VANGL1: variants seen among roughly 807,000 people sequenced by gnomAD.
The protein encoded by VANGL1 is vang-like protein 1.
In VANGL1, 18 loss-of-function variants were observed where a neutral mutation model predicts 48.4. That is an observed-to-expected ratio of 0.37 (90% CI 0.26 to 0.55). VANGL1 has a LOEUF of 0.55. Among genes scored for constraint, VANGL1 ranks in the 20% least tolerant of loss-of-function variants. VANGL1 has a pLI of 0.81. For synonymous variants in VANGL1, 257 were observed against 261.8 expected (o/e 0.98, Z 0.18); for missense variants, 667 against 675.8 (o/e 0.99, Z 0.14).
Position 115,688,518 on chromosome 1 carries a change from T to G in VANGL1, c.1315-2601T>G, listed in dbSNP as rs1223749988. 1.4e-5 allele frequency among the ~76,000 whole-genome samples: 2 copies of G among 138,738 alleles called. 1 individual carries two copies. The highest frequency in any genetic ancestry group is 3.2e-5 in the Non-Finnish European group (2 of 63,426). 91.0% of individuals were successfully genotyped at this position (138,738 alleles called of 152,430 possible). On this transcript the variant is annotated intron_variant, in intron 7 of 7. Coordinates refer to ENST00000355485, the MANE Select transcript of VANGL1 (RefSeq NM_138959.3). Reference sequence around the variant, plus strand: ...ATCTATGGAAAAGTTTGCCAACCCCTGGTTTAAACAGCATTGTGGTGAATA... The same window carrying G: ...ATCTATGGAAAAGTTTGCCAACCCCGGGTTTAAACAGCATTGTGGTGAATA...
At chr1:115,689,460 C>T (rs1294247464) in intron 7 of VANGL1, among the ~76,000 whole-genome samples, 2 of 135,308 alleles carry the variant, frequency 1.5e-5, no homozygotes, top group Non-Finnish European at 3.2e-5. Flanking sequence ...GGTGAAACTC[C>T]GTCTCTACTA....
intron 4 of VANGL1, among the ~76,000 whole-genome samples, chr1:115,668,162 T>A (rs1236183644): frequency 2.0e-5 from 3 of 152,222 alleles, no homozygotes; most frequent in African/African-American, 7.2e-5. Context: ...GAGCCCAGGC[T>A]CTCTGGTTCC....
At chr1:115,652,054 G>T (rs1323694122) in intron 2 of VANGL1, among the ~76,000 whole-genome samples, 1 of 152,194 alleles carries the variant, frequency 6.6e-6, no homozygotes, top group Non-Finnish European at 1.5e-5. Context: ...GCTTTATGAA[G>T]AATGTAAATG....
intron 2 of VANGL1, among the ~76,000 whole-genome samples, chr1:115,658,034 C>T (rs1652412029): frequency 1.3e-5 from 2 of 152,160 alleles, no homozygotes; most frequent in African/African-American, 2.4e-5. Flanking sequence ...TCACCAGGCC[C>T]CACCTCCAGC....
chr1:115,663,810 T>G lies in VANGL1; in HGVS notation c.354T>G (p.Phe118Leu). 1 of 1,614,228 alleles carries G rather than the reference T, an allele frequency of 6.2e-7. No homozygotes were observed. Among genetic ancestry groups the G allele is most frequent in the Non-Finnish European group, 8.5e-7 (1 of 1,180,040 alleles). Residue 118 changes from phenylalanine (F) to leucine (L), a missense_variant, in exon 4 of 8, where the codon TTT becomes TTG. Transcript: ENST00000355485. ...KRYLGLTVASFLGLLVFLTPI... is the reference protein window; with the variant it reads ...KRYLGLTVASLLGLLVFLTPI... ...ACCTGGGCCTCACCGTCGCCTCTTTTCTTGGACTTCTAGTTTTCCTCACCC... is the reference window on the plus strand; with the variant it reads ...ACCTGGGCCTCACCGTCGCCTCTTTGCTTGGACTTCTAGTTTTCCTCACCC...
chr1:115,663,703 T>C lies in VANGL1; in HGVS notation c.247T>C (p.Ser83Pro), dbSNP rs1570750458. 1 of 1,614,180 alleles carries C rather than the reference T, an allele frequency of 6.2e-7. No individual in the cohort carries two copies. ...GACCACCACGGCCATCACAGGCACC[T>C]CGGAGCACAGCATATCCCAAGAGGA... ...GETTTAITGTSEHSISQEDIA... is the reference protein window; with the variant it reads ...GETTTAITGTPEHSISQEDIA... Residue 83 changes from serine (S) to proline (P), a missense_variant, in exon 4 of 8, where the codon TCG (serine) becomes CCG (proline). By Grantham distance (74) the Ser-to-Pro change is moderately conservative. Coordinates refer to ENST00000355485, the MANE Select transcript of VANGL1 (RefSeq NM_138959.3).
At chr1:115,690,369 A>G (rs1557778116) in intron 7 of VANGL1, among the ~76,000 whole-genome samples, 1 of 152,248 alleles carries the variant, frequency 6.6e-6, no homozygotes, top group Non-Finnish European at 1.5e-5. Flanking sequence ...CTGGAGGAAC[A>G]GCACATGTAT....
At chr1:115,682,600 T>G (rs1283664149) in intron 5 of VANGL1, 103 bp downstream of exon 5, 1 of 1,537,384 alleles carries the variant, frequency 6.5e-7, no homozygotes, top group African/African-American at 1.4e-5. Context: ...TGGGCCTACC[T>G]TTATGGTACA....
chr1:115,683,405 A>G (rs970566725), intron 5 of VANGL1, among the ~76,000 whole-genome samples: 4 of 152,170 alleles, frequency 2.6e-5, no homozygotes, highest in Non-Finnish European at 4.4e-5. Context: ...GCACACCCTC[A>G]AGCATTGGTA....
At chr1:115,675,783 C>T (rs1056580876) in intron 4 of VANGL1, among the ~76,000 whole-genome samples, 4 of 152,174 alleles carry the variant, frequency 2.6e-5, no homozygotes, top group Admixed American at 2.0e-4. Context: ...GAGCGAGACT[C>T]CATCCCTAAA....
chr1:115,685,143 T>A (rs1653548533), intron 6 of VANGL1, 150 bp from the exon 7 acceptor site: 1 of 833,750 alleles, frequency 1.2e-6, no homozygotes, highest in South Asian at 1.5e-5. Context: ...CCCTCTCCAC[T>A]CTCTGAGGGA....
At chr1:115,687,875 C>T (rs933852420) in intron 7 of VANGL1, among the ~76,000 whole-genome samples, 1 of 135,898 alleles carries the variant, frequency 7.4e-6, no homozygotes, top group Admixed American at 7.7e-5. Context: ...ATCTACCTGC[C>T]TCAGCCTTGC....
intron 4 of VANGL1, among the ~76,000 whole-genome samples, chr1:115,676,995 G>A (rs1346904032): frequency 1.3e-5 from 2 of 152,242 alleles, no homozygotes; most frequent in East Asian, 3.8e-4. Flanking sequence ...GAATGAGTGA[G>A]AGAGCCTGGA....
intron 4 of VANGL1, among the ~76,000 whole-genome samples, chr1:115,680,852 A>G (rs1202243788): frequency 6.6e-6 from 1 of 152,214 alleles, no homozygotes; most frequent in Admixed American, 6.5e-5. Context: ...CAGGAATCAA[A>G]GGGAGCCCCA....
Position 115,651,264 on chromosome 1 carries a change from C to A in VANGL1, c.-137-13C>A. 1 of 669,970 alleles carries A rather than the reference C, an allele frequency of 1.5e-6. No homozygotes were observed. The highest frequency in any genetic ancestry group is 2.7e-5 in the Admixed American group (1 of 37,204). 41.5% of individuals were successfully genotyped at this position (669,970 alleles called of 1,614,324 possible). On this transcript the variant is annotated splice_polypyrimidine_tract_variant and intron_variant, in intron 1 of 7. Transcript: ENST00000355485. ...TGAAGATTAATGTCTTTTTTTTTCCCCCTCTTTCCCAGAATTTGTTCCTGT... is the reference window on the plus strand; with the variant it reads ...TGAAGATTAATGTCTTTTTTTTTCCACCTCTTTCCCAGAATTTGTTCCTGT...
At chr1:115,677,903 G>A (rs777777712) in intron 4 of VANGL1, among the ~76,000 whole-genome samples, 2 of 152,182 alleles carry the variant, frequency 1.3e-5, no homozygotes, top group Non-Finnish European at 2.9e-5. Flanking sequence ...CCCCAAGATT[G>A]TCTGGTCTAG....
At chr1:115,674,217 A>G (rs1653084767) in intron 4 of VANGL1, among the ~76,000 whole-genome samples, 1 of 152,188 alleles carries the variant, frequency 6.6e-6, no homozygotes, top group Non-Finnish European at 1.5e-5. Context: ...TTAACAGCCC[A>G]GCTTTGCCCC....
chr1:115,673,273 G>C (rs373450534), intron 4 of VANGL1, among the ~76,000 whole-genome samples: 3 of 152,140 alleles, frequency 2.0e-5, no homozygotes, highest in Admixed American at 6.5e-5. Flanking sequence ...CCATTGACCA[G>C]CTTTGCCGCT....
At chr1:115,645,440 TATCTC>T (rs1218300937) in intron 1 of VANGL1, among the ~76,000 whole-genome samples, 5 of 152,186 alleles carry the variant, frequency 3.3e-5, no homozygotes, top group African/African-American at 1.2e-4. Context: ...TTTTATGAAT[TATCTC>T]ATTTAATACC....
Sources: gnomAD v4.1 joint callset for allele counts (sites outside exome capture counted in the v4.1 genomes callset) on GRCh38, gnomAD v4.1.1 for gene constraint, MANE v1.5 for transcripts, NCBI Gene and HGNC (gene_info 2026-07-23, HGNC 2026-07-21) for gene names.